STK39: variants seen among roughly 807,000 people sequenced by gnomAD.
STK39 encodes the protein serine/threonine kinase 39.
Under a neutral mutation model 77.8 loss-of-function variants are expected in STK39, and 20 were observed. That is an observed-to-expected ratio of 0.26 (90% CI 0.18 to 0.37). The LOEUF (loss-of-function observed/expected upper bound fraction) is 0.37. STK39 is among the 10% of genes least tolerant of loss of function. The pLI, the probability that STK39 is intolerant of heterozygous loss-of-function variation, is 1.00. For missense variants in STK39, 479 were observed against 656.5 expected, an observed-to-expected ratio of 0.73 and a Z score of 2.95; for synonymous variants, 246 against 234.1, an observed-to-expected ratio of 1.05 and a Z score of -0.47.
chr2:168,071,298 C>T (rs894008431), intron 12 of STK39, among the ~76,000 whole-genome samples: 1 of 152,076 alleles, frequency 6.6e-6, no homozygotes, highest in Non-Finnish European at 1.5e-5. Flanking sequence ...TTCATGTCAT[C>T]AGTGAACATG....
At chr2:168,105,884 A>G (rs1686957344) in intron 10 of STK39, among the ~76,000 whole-genome samples, 1 of 152,268 alleles carries the variant, frequency 6.6e-6, no homozygotes, top group Non-Finnish European at 1.5e-5. Flanking sequence ...TGTTCCTTAA[A>G]GAACAATGAG....
chr2:167,990,871 C>A (rs1683684045), intron 16 of STK39, among the ~76,000 whole-genome samples: 1 of 152,186 alleles, frequency 6.6e-6, no homozygotes, highest in Non-Finnish European at 1.5e-5. Context: ...TGAACTCTGT[C>A]TCAGCAAAGT....
intron 14 of STK39, among the ~76,000 whole-genome samples, chr2:168,039,097 G>A (rs1685034481): frequency 6.6e-6 from 1 of 151,950 alleles, no homozygotes; most frequent in Non-Finnish European, 1.5e-5. Flanking sequence ...GTTCATAGCA[G>A]CATTATTCAT....
chr2:168,202,762 A>T (rs550196703), intron 1 of STK39, among the ~76,000 whole-genome samples: 8 of 136,730 alleles, frequency 5.9e-5, no homozygotes, highest in East Asian at 2.0e-4. Flanking sequence ...TAGAGAGATT[A>T]AAAAAAAAAA....
chr2:168,178,464 A>G (rs61389899), intron 2 of STK39, among the ~76,000 whole-genome samples: 14,133 of 152,250 alleles, frequency 0.093, 1,248 homozygotes, highest in East Asian at 0.31. Flanking sequence ...AATTGCTGTT[A>G]AACTAAAATG....
chr2:168,030,307 A>T lies in STK39; in HGVS notation c.1377-13212T>A, dbSNP rs1574406173. 3.3e-5 allele frequency among the ~76,000 whole-genome samples: 5 copies of T among 152,208 alleles called. No individual in the cohort carries two copies. In the South Asian group the frequency reaches 1.0e-3, roughly 32 times the overall value. ...GGGAAGAAGTAATTTTTTTTGCTTA[A>T]AAGTTTTAAAGATGTGTGTGATTAA... is the stretch of plus-strand genomic sequence containing the variant. On this transcript the variant is annotated intron_variant, in intron 14 of 17. Coordinates refer to ENST00000355999, the MANE Select transcript of STK39 (RefSeq NM_013233.3).
At chr2:168,121,976 G>C (rs1203398096) in intron 10 of STK39, among the ~76,000 whole-genome samples, 1 of 152,316 alleles carries the variant, frequency 6.6e-6, no homozygotes, top group East Asian at 1.9e-4. Flanking sequence ...GGCAGCAGGT[G>C]CACCTCCACT....
chr2:168,015,355 C>T (rs546379056), intron 15 of STK39, among the ~76,000 whole-genome samples: 1 of 152,320 alleles, frequency 6.6e-6, no homozygotes, highest in South Asian at 2.1e-4. Context: ...CACAGATTTA[C>T]TGTAAGCAAA....
At position 168,065,814 on chromosome 2, in the gene STK39, C is replaced by T. The variant is rs190048537; in HGVS notation, c.1243-433G>A. Among the ~76,000 whole-genome samples the T allele has an allele frequency of 2.6e-5, 4 of 152,206 alleles. No homozygotes were observed. The East Asian group carries it at 7.7e-4, about 29-fold the overall frequency. ...GACGTTGGGGTTAATAAAACCTGCCCCTTTAATCTAACTATGAGCAATTAT... is the reference window on the plus strand; with the variant it reads ...GACGTTGGGGTTAATAAAACCTGCCTCTTTAATCTAACTATGAGCAATTAT... On this transcript the variant is annotated intron_variant, in intron 12 of 17. Transcript: ENST00000355999.
intron 2 of STK39, among the ~76,000 whole-genome samples, chr2:168,180,037 C>T (rs1357665976): frequency 3.9e-5 from 6 of 152,134 alleles, no homozygotes; most frequent in African/African-American, 1.4e-4. Flanking sequence ...AGACCTCTAA[C>T]AGAATACCAC....
chr2:167,983,502 AAGGAAGGAAGG>A (rs1683483972), intron 16 of STK39, among the ~76,000 whole-genome samples: 1 of 145,522 alleles, frequency 6.9e-6, no homozygotes, highest in Non-Finnish European at 1.5e-5. Flanking sequence ...GGAAGGAAGG[AAGGAAGGAAGG>A]AAATTATAGG....
At chr2:168,220,074 T>G (rs1690127719) in intron 1 of STK39, among the ~76,000 whole-genome samples, 1 of 152,162 alleles carries the variant, frequency 6.6e-6, no homozygotes, top group African/African-American at 2.4e-5. Context: ...TAACAAATTT[T>G]AATGTGAATA....
chr2:168,149,329 C>T (rs1688221355), intron 5 of STK39, among the ~76,000 whole-genome samples: 1 of 152,176 alleles, frequency 6.6e-6, no homozygotes, highest in Admixed American at 6.5e-5. Context: ...GTGATGACAG[C>T]CCATGAAGAT....
intron 10 of STK39, among the ~76,000 whole-genome samples, chr2:168,123,872 CAAAAAA>C (rs60490866): frequency 8.4e-6 from 1 of 119,750 alleles, no homozygotes; most frequent in African/African-American, 3.1e-5. Flanking sequence ...GATTCCATCT[CAAAAAA>C]AAAAAAAAAA....
intron 10 of STK39, among the ~76,000 whole-genome samples, chr2:168,086,348 T>C (rs1302113596): frequency 5.3e-5 from 8 of 152,340 alleles, no homozygotes; most frequent in Middle Eastern, 3.4e-3. Context: ...CATCTGACTA[T>C]GTTATTATAC....
At chr2:168,227,432 CAAATT>C (rs1238008760) in intron 1 of STK39, among the ~76,000 whole-genome samples, 1 of 152,202 alleles carries the variant, frequency 6.6e-6, no homozygotes, top group Admixed American at 6.5e-5. Context: ...TTCATATCAT[CAAATT>C]AAATTCCTAT....
chr2:168,097,656 G>A (rs993077315), intron 10 of STK39, among the ~76,000 whole-genome samples: 5 of 152,080 alleles, frequency 3.3e-5, no homozygotes, highest in African/African-American at 1.2e-4. Context: ...GATCCCTTGA[G>A]GCCAGGAGTG....
intron 17 of STK39, among the ~76,000 whole-genome samples, chr2:167,956,718 T>G (rs1559032377): frequency 1.8e-5 from 1 of 55,930 alleles, no homozygotes; most frequent in African/African-American, 8.1e-5. Context: ...TCTCTCTCTC[T>G]CTCTCTCTCT....
chr2:168,027,273 T>C (rs1158002361), intron 14 of STK39, among the ~76,000 whole-genome samples: 1 of 152,136 alleles, frequency 6.6e-6, no homozygotes, highest in Non-Finnish European at 1.5e-5. Context: ...GCTGTGAGAA[T>C]AGTAGCTGAA....
Sources: allele counts gnomAD v4.1 joint callset (sites outside exome capture counted in the v4.1 genomes callset), GRCh38; gene constraint gnomAD v4.1.1; transcripts MANE v1.5; gene names NCBI Gene and HGNC (gene_info 2026-07-23, HGNC 2026-07-21).